The following IGF1R variants were observed in gnomAD, a reference collection of about 807,000 sequenced individuals.
The protein encoded by IGF1R is insulin like growth factor 1 receptor, also known as insulin-like growth factor 1 receptor.
A neutral mutation model predicts 144.6 loss-of-function variants in IGF1R; 44 were observed. That is an observed-to-expected ratio of 0.30 (90% confidence interval 0.24 to 0.39). The LOEUF is 0.39. IGF1R is among the 10% of genes least tolerant of loss of function. IGF1R has a pLI of 1.00. For synonymous variants in IGF1R, 795 were observed against 722.8 expected, an observed-to-expected ratio of 1.10 and a Z score of -1.60; for missense variants, 1,355 against 1,833.7, an observed-to-expected ratio of 0.74 and a Z score of 4.77.
chr15:98,893,148 GTTAAT>G (rs1353324031), intron 3 of IGF1R, among the ~76,000 whole-genome samples: 1 of 152,206 alleles, frequency 6.6e-6, no homozygotes. Flanking sequence ...AAAAGTAGGT[GTTAAT>G]TTTAAATATA....
At chr15:98,771,278 T>C (rs2074734138) in intron 2 of IGF1R, among the ~76,000 whole-genome samples, 1 of 152,174 alleles carries the variant, frequency 6.6e-6, no homozygotes, top group Non-Finnish European at 1.5e-5. Context: ...TTACATTTAG[T>C]TCTTTGGAGA....
chr15:98,739,293 A>G (rs1351581007), intron 2 of IGF1R, among the ~76,000 whole-genome samples: 1 of 152,162 alleles, frequency 6.6e-6, no homozygotes, highest in African/African-American at 2.4e-5. Flanking sequence ...TTGACGGTCT[A>G]GTCTTGAGAG....
intron 1 of IGF1R, among the ~76,000 whole-genome samples, chr15:98,687,598 T>C (rs946400130): frequency 3.9e-5 from 6 of 152,132 alleles, no homozygotes; most frequent in African/African-American, 1.4e-4. Context: ...GTTTGGAAAG[T>C]CCGCCTTGGT....
chr15:98,937,964 G>A (rs2016219552), intron 17 of IGF1R, among the ~76,000 whole-genome samples: 1 of 152,202 alleles, frequency 6.6e-6, no homozygotes, highest in African/African-American at 2.4e-5. Flanking sequence ...CGTGATAAGT[G>A]TTTTAAGTCA....
intron 2 of IGF1R, among the ~76,000 whole-genome samples, chr15:98,719,663 T>C (rs1180144209): frequency 6.6e-6 from 1 of 152,204 alleles, no homozygotes; most frequent in African/African-American, 2.4e-5. Flanking sequence ...CTGGTGGCTG[T>C]GCAGTGATGA....
At chr15:98,769,922 C>T (rs186066117) in intron 2 of IGF1R, among the ~76,000 whole-genome samples, 24 of 152,266 alleles carry the variant, frequency 1.6e-4, no homozygotes, top group African/African-American at 5.8e-4. Flanking sequence ...TTTCTATCCC[C>T]TTCCGTCTGC....
At chr15:98,669,926 G>C in intron 1 of IGF1R, among the ~76,000 whole-genome samples, 1 of 152,296 alleles carries the variant, frequency 6.6e-6, no homozygotes, top group East Asian at 1.9e-4. Context: ...GGCTACAGTG[G>C]GCGGCAGAGT....
intron 2 of IGF1R, among the ~76,000 whole-genome samples, chr15:98,883,436 A>G (rs41414645): frequency 0.021 from 3,271 of 152,254 alleles, 106 homozygotes; most frequent in African/African-American, 0.074. Context: ...AAGCATTTTC[A>G]ACTAAGCTTC....
At chr15:98,838,511 G>GC (rs756819717) in intron 2 of IGF1R, among the ~76,000 whole-genome samples, 62 of 152,302 alleles carry the variant, frequency 4.1e-4, no homozygotes, top group Admixed American at 1.2e-3. Flanking sequence ...GAAGGTAGAT[G>GC]CGCCTGTTTA....
intron 1 of IGF1R, among the ~76,000 whole-genome samples, chr15:98,692,847 G>T (rs1049645278): frequency 6.6e-6 from 1 of 152,164 alleles, no homozygotes; most frequent in African/African-American, 2.4e-5. Flanking sequence ...CAGTAGGGAG[G>T]ATATAGACGT....
At position 98,957,922 on chromosome 15, in the gene IGF1R, G is replaced by A. The variant is rs560911660; in HGVS notation, c.*480G>A. 4.2e-5 allele frequency: 10 copies of A among 239,150 alleles called. No homozygotes were observed. The highest frequency in any genetic ancestry group is 2.0e-4 in the African/African-American group (9 of 45,574). 14.8% of individuals were successfully genotyped at this position (239,150 alleles called of 1,614,324 possible). On this transcript the variant is annotated 3_prime_UTR_variant, in exon 21 of 21. Coordinates refer to ENST00000650285, the MANE Select transcript of IGF1R (RefSeq NM_000875.5). Reference sequence around the variant, plus strand: ...ACCGTGGGTCATTACAAAAAAACACGTGGAGATGGAAATTTTTACCTTTAT... The same window carrying A: ...ACCGTGGGTCATTACAAAAAAACACATGGAGATGGAAATTTTTACCTTTAT...
At chr15:98,661,174 G>C (rs373655251) in intron 1 of IGF1R, among the ~76,000 whole-genome samples, 13 of 152,300 alleles carry the variant, frequency 8.5e-5, no homozygotes, top group African/African-American at 2.9e-4. Context: ...TTTTCTTGGT[G>C]AGGCCAGTAA....
In IGF1R at chr15:98,962,261, T is replaced by TG. The variant is rs2017256124; in HGVS notation, c.*4821dup. The TG allele has an allele frequency of 8.6e-6, 2 of 233,416 alleles. No individual in the cohort carries two copies. The highest frequency in any genetic ancestry group is 1.2e-4 in the East Asian group (2 of 16,594). The allele number at this position is 233,416 out of a possible 1,614,324, so 14.5% of individuals were successfully genotyped here. ...CCCTCCTGGTGACAGTGACCCGCCG[T>TG]GGTATGCCTTGGCCCATTCCAGCAG... On this transcript the variant is annotated 3_prime_UTR_variant, in exon 21 of 21. Coordinates refer to ENST00000650285, the MANE Select transcript of IGF1R (RefSeq NM_000875.5).
At chr15:98,869,401 T>G (rs571633616) in intron 2 of IGF1R, among the ~76,000 whole-genome samples, 1 of 150,924 alleles carries the variant, frequency 6.6e-6, no homozygotes, top group Non-Finnish European at 1.5e-5. Context: ...AGAAGGAAGA[T>G]TATTCTTCCT....
intron 2 of IGF1R, among the ~76,000 whole-genome samples, chr15:98,787,548 G>C (rs752941330): frequency 2.0e-5 from 3 of 152,128 alleles, no homozygotes; most frequent in Non-Finnish European, 2.9e-5. Flanking sequence ...TTGGGAAGCA[G>C]ATGTAGAGTA....
intron 2 of IGF1R, among the ~76,000 whole-genome samples, chr15:98,772,510 A>ATTATTAGTATTG (rs60796484): frequency 1.4e-5 from 2 of 141,948 alleles, no homozygotes; most frequent in African/African-American, 5.1e-5. Context: ...TATTATTATT[A>ATTATTAGTATTG]TTATTTTAAG....
Position 98,935,292 on chromosome 15 carries a change from CTT to C in IGF1R, c.3187-22_3187-21del, listed in dbSNP as rs1211180535. ...GCAAGGGCCACCTGACCCTCTGAGT[CTT>C]TCTCTTTTTGATTCCTCCCAGGTGC... On this transcript the variant is annotated intron_variant, in intron 16 of 20. Transcript: ENST00000650285. The surrounding 1 kb of genome is among the most constrained non-coding windows in gnomAD (Gnocchi z 4.2). 5.2e-5 allele frequency: 77 copies of C among 1,483,940 alleles called. No homozygotes were observed. The highest frequency in any genetic ancestry group is 6.9e-5 in the Non-Finnish European group (75 of 1,086,564). The allele number at this position is 1,483,940 out of a possible 1,614,324, so 91.9% of individuals were successfully genotyped here. A position where few individuals can be genotyped will look rare whatever the true frequency, so the allele number is the denominator to read the frequency against.
At chr15:98,885,816 ATT>A (rs3073979) in intron 2 of IGF1R, among the ~76,000 whole-genome samples, 11 of 137,670 alleles carry the variant, frequency 8.0e-5, no homozygotes, top group Non-Finnish European at 6.3e-5. Flanking sequence ...TGAGTCTCCT[ATT>A]TTTTTTTTTT....
chr15:98,672,136 C>A (rs959483091), intron 1 of IGF1R, among the ~76,000 whole-genome samples: 1 of 152,136 alleles, frequency 6.6e-6, no homozygotes, highest in East Asian at 1.9e-4. Flanking sequence ...CATATTTGGG[C>A]ACACGTTTCA....
Sources: gnomAD v4.1 joint callset for allele counts (sites outside exome capture counted in the v4.1 genomes callset) on GRCh38, gnomAD v4.1.1 for gene constraint, Gnocchi (gnomAD v3.1) non-coding constraint, MANE v1.5 for transcripts, NCBI Gene and HGNC (gene_info 2026-07-23, HGNC 2026-07-21) for gene names.